The following ZBTB5 variants were observed in gnomAD, a reference collection of about 807,000 sequenced individuals.
The protein encoded by ZBTB5 is zinc finger and BTB domain-containing protein 5.
A neutral mutation model predicts 37.9 loss-of-function variants in ZBTB5; 15 were observed. The observed-to-expected ratio is 0.40, with a 90% CI of 0.26 to 0.61. The LOEUF (loss-of-function observed/expected upper bound fraction) is 0.61. Ranked by LOEUF, ZBTB5 falls within the 20% of genes least tolerant of loss-of-function variation. The pLI is 0.47. For missense variants in ZBTB5, 708 were observed against 856.8 expected (o/e 0.83, Z 2.17); for synonymous variants, 315 against 312.4 (o/e 1.01, Z -0.09).
In ZBTB5 at chr9:37,442,257, C is replaced by T. The variant is rs1241208151; in HGVS notation, c.295G>A (p.Val99Ile). 3 of 1,614,124 alleles carry T rather than the reference C, an allele frequency of 1.9e-6. No homozygotes were observed. Among genetic ancestry groups the T allele is most frequent in the African/African-American group, 1.3e-5 (1 of 74,944 alleles). The stretch of plus-strand genomic sequence containing the variant: ...TGCAGGTGAGAGGCTGCCAATAAGA[C>T]ATCCATTACATTGCTCTCCCCCAGC... ...LMLGESNVMD[V>I]LLAASHLHLN... Residue 99 changes from valine (V) to isoleucine (I), a missense_variant, in exon 2 of 2, where the codon GTC becomes ATC. Around this residue, in one of 3 missense-constraint regions of ZBTB5, gnomAD observed 639 missense variants for 690.5 expected, o/e 0.93. Coordinates refer to ENST00000307750, the MANE Select transcript of ZBTB5 (RefSeq NM_014872.3).
In ZBTB5 at chr9:37,465,406, A is replaced by T. The variant is rs991951794; in HGVS notation, c.-196T>A. On this transcript the variant is annotated 5_prime_UTR_variant, in exon 1 of 2. Coordinates refer to ENST00000307750, the MANE Select transcript of ZBTB5 (RefSeq NM_014872.3). ...GCTCCTCCAGCCAGTTCGCCGCAGC[A>T]CTCTGAGAACACGGCGGCGGCGCCC... is the stretch of plus-strand genomic sequence containing the variant. 1 of 132,746 alleles carries T rather than the reference A, an allele frequency of 7.5e-6. No individual in the cohort carries two copies. Among genetic ancestry groups the T allele is most frequent in the Non-Finnish European group, 1.6e-5 (1 of 63,992 alleles). 8.2% of individuals were successfully genotyped at this position (132,746 alleles called of 1,614,324 possible).
Position 37,442,560 on chromosome 9 carries a change from A to T in ZBTB5, c.-4-5T>A, listed in dbSNP as rs1334197454. 5.1e-6 allele frequency: 8 copies of T among 1,578,940 alleles called. No homozygotes were observed. The highest frequency in any genetic ancestry group is 4.1e-5 in the African/African-American group (3 of 73,406). On this transcript the variant is annotated splice_polypyrimidine_tract_variant and splice_region_variant and intron_variant, in intron 1 of 1. Coordinates refer to ENST00000307750, the MANE Select transcript of ZBTB5 (RefSeq NM_014872.3). ...TGACCAGGAAAATCCATGATCCTACAGAAAAACAAAGAAAGAAAATGTTAA... is the reference window on the plus strand; with the variant it reads ...TGACCAGGAAAATCCATGATCCTACTGAAAAACAAAGAAAGAAAATGTTAA...
chr9:37,464,369 G>A lies in ZBTB5; in HGVS notation c.-5+846C>T, dbSNP rs561354467. ...CTTCTATTAATTCAAGTTAACTAGA[G>A]TCAGAAGATACTACTTAGTAATCAA... On this transcript the variant is annotated intron_variant, in intron 1 of 1. Transcript: ENST00000307750. Among the ~76,000 whole-genome samples, 295 of 152,304 alleles carry A rather than the reference G, an allele frequency of 1.9e-3. 2 individuals are homozygous for A. Among genetic ancestry groups the A allele is most frequent in the African/African-American group, 6.8e-3 (281 of 41,562 alleles).
intron 1 of ZBTB5, among the ~76,000 whole-genome samples, chr9:37,460,703 C>CA (rs924893418): frequency 6.6e-6 from 1 of 151,344 alleles, no homozygotes; most frequent in Non-Finnish European, 1.5e-5. Flanking sequence ...CCCACCTCCA[C>CA]AAAAAATACA....
At chr9:37,455,779 T>C (rs1824176470) in intron 1 of ZBTB5, among the ~76,000 whole-genome samples, 1 of 151,842 alleles carries the variant, frequency 6.6e-6, no homozygotes, top group Non-Finnish European at 1.5e-5. Context: ...GTAGAGACGA[T>C]ATAGATGAAA....
rs775030253 is a variant in ZBTB5, at chr9:37,442,496, A to C, written c.56T>G (p.Leu19Arg). Reference protein sequence around the residue: ...QIFQQLNYQRLHGQLCDCVIV... With the variant: ...QIFQQLNYQRRHGQLCDCVIV... ...GACACAATCACAGAGCTGGCCATGAAGTCTCTGGTAGTTCAGCTGCTGGAA... is the reference window on the plus strand; with the variant it reads ...GACACAATCACAGAGCTGGCCATGACGTCTCTGGTAGTTCAGCTGCTGGAA... Residue 19 changes from leucine to arginine, a missense_variant, in exon 2 of 2, where the codon CTT becomes CGT. By Grantham distance (102) the Leu-to-Arg change is moderately radical. Coordinates refer to ENST00000307750, the MANE Select transcript of ZBTB5 (RefSeq NM_014872.3). 49 of 1,611,818 alleles carry C rather than the reference A, an allele frequency of 3.0e-5. No homozygotes were observed. The highest frequency in any genetic ancestry group is 4.1e-5 in the Non-Finnish European group (48 of 1,178,224).
At chr9:37,443,023 CA>C (rs1823914724) in intron 1 of ZBTB5, among the ~76,000 whole-genome samples, 1 of 152,180 alleles carries the variant, frequency 6.6e-6, no homozygotes, top group Admixed American at 6.5e-5. Flanking sequence ...TGCACACACG[CA>C]TTTGCCCCGT....
chr9:37,449,364 C>A (rs374829871), intron 1 of ZBTB5, among the ~76,000 whole-genome samples: 1 of 152,112 alleles, frequency 6.6e-6, no homozygotes, highest in African/African-American at 2.4e-5. Context: ...ACACATTGCA[C>A]GGCCTACTCC....
intron 1 of ZBTB5, among the ~76,000 whole-genome samples, chr9:37,464,501 T>C (rs1420351514): frequency 6.6e-6 from 1 of 152,062 alleles, no homozygotes; most frequent in African/African-American, 2.4e-5. Flanking sequence ...GAATGCTGAC[T>C]GACTTAAAAA....
intron 1 of ZBTB5, among the ~76,000 whole-genome samples, chr9:37,462,501 C>T (rs1422939177): frequency 1.3e-5 from 2 of 151,942 alleles, no homozygotes; most frequent in Admixed American, 1.3e-4. Flanking sequence ...ATATCTACCC[C>T]TTTCCTAATT....
chr9:37,448,759 G>A (rs540277052), intron 1 of ZBTB5, among the ~76,000 whole-genome samples: 4 of 152,152 alleles, frequency 2.6e-5, no homozygotes, highest in Admixed American at 2.0e-4. Context: ...AGTAATAAAC[G>A]ATTACAGCCG....
chr9:37,451,555 CAAA>C (rs67502719), intron 1 of ZBTB5, among the ~76,000 whole-genome samples: 9 of 72,724 alleles, frequency 1.2e-4, no homozygotes, highest in Non-Finnish European at 1.6e-4. Flanking sequence ...GAGACTATCT[CAAA>C]AAAAAAAAAA....
At position 37,439,360 on chromosome 9, in the gene ZBTB5, A is replaced by T. The variant is rs1361058628; in HGVS notation, c.*1158T>A. 6.6e-6 allele frequency: 1 copy of T among 152,220 alleles called. No homozygotes were observed. The highest frequency in any genetic ancestry group is 2.4e-5 in the African/African-American group (1 of 41,456). The allele number at this position is 152,220 out of a possible 1,614,324, so 9.4% of individuals were successfully genotyped here. ...TACATAGCCTAGAAAATATTTACCCATGAACACTACCATGTTTGGATTTCA... is the reference window on the plus strand; with the variant it reads ...TACATAGCCTAGAAAATATTTACCCTTGAACACTACCATGTTTGGATTTCA... On this transcript the variant is annotated 3_prime_UTR_variant, in exon 2 of 2. Transcript: ENST00000307750.
intron 1 of ZBTB5, among the ~76,000 whole-genome samples, chr9:37,459,886 A>G (rs1276455892): frequency 2.0e-5 from 3 of 150,726 alleles, no homozygotes; most frequent in Admixed American, 2.0e-4. Context: ...AATTTTTTGT[A>G]TTTTTAGTAG....
intron 1 of ZBTB5, 84 bp from the exon 2 acceptor site, chr9:37,442,639 A>G: frequency 8.9e-7 from 1 of 1,127,584 alleles, no homozygotes; most frequent in South Asian, 1.6e-5. Flanking sequence ...AAAGAGTGGA[A>G]TGGATGGCCA....
At chr9:37,460,563 AT>A (rs1193923486) in intron 1 of ZBTB5, among the ~76,000 whole-genome samples, 3 of 151,708 alleles carry the variant, frequency 2.0e-5, no homozygotes, top group African/African-American at 4.8e-5. Context: ...CTACAAAAAA[AT>A]TTTTTTTTAA....
chr9:37,444,958 G>T (rs757447779), intron 1 of ZBTB5, among the ~76,000 whole-genome samples: 3 of 152,022 alleles, frequency 2.0e-5, no homozygotes, highest in South Asian at 4.2e-4. Context: ...GGTCTCCAAG[G>T]GGGGTGGGAA....
intron 1 of ZBTB5, among the ~76,000 whole-genome samples, chr9:37,449,767 G>A (rs934348907): frequency 6.6e-6 from 1 of 151,734 alleles, no homozygotes; most frequent in African/African-American, 2.4e-5. Context: ...AGATAGTGAG[G>A]GTAAGCCAGC....
At chr9:37,445,992 G>A (rs1823971094) in intron 1 of ZBTB5, among the ~76,000 whole-genome samples, 1 of 152,022 alleles carries the variant, frequency 6.6e-6, no homozygotes, top group Admixed American at 6.6e-5. Flanking sequence ...TGTAGTCCCA[G>A]TGTACTTGGG....
Sources: gnomAD v4.1 joint callset for allele counts (sites outside exome capture counted in the v4.1 genomes callset) on GRCh38, gnomAD v4.1.1 for gene constraint, gnomAD v4.1.1 regional missense constraint, MANE v1.5 for transcripts, NCBI Gene and HGNC (gene_info 2026-07-23, HGNC 2026-07-21) for gene names.